Variants in PAPOLA observed in about 807,000 individuals in gnomAD.
PAPOLA encodes the protein polynucleotide adenylyltransferase alpha.
In PAPOLA, 15 loss-of-function variants were observed where a neutral mutation model predicts 100.6. That is an observed-to-expected ratio of 0.15 (90% CI 0.10 to 0.23). PAPOLA has a LOEUF of 0.23. Ranked by LOEUF, PAPOLA falls within the 10% of genes least tolerant of loss-of-function variation. The pLI, the probability that PAPOLA is intolerant of heterozygous loss-of-function variation, is 1.00. For missense variants in PAPOLA, 533 were observed against 884.2 expected (o/e 0.60, Z 5.04); for synonymous variants, 293 against 300.0 (o/e 0.98, Z 0.24).
At chr14:96,534,390 A>G in intron 9 of PAPOLA, 101 bp from the exon 10 acceptor site, 1 of 1,538,170 alleles carries the variant, frequency 6.5e-7, no homozygotes, top group Non-Finnish European at 8.7e-7. Flanking sequence ...AAGAAGGCAG[A>G]ATGAAGAAGG....
intron 6 of PAPOLA, among the ~76,000 whole-genome samples, chr14:96,528,856 A>T (rs981229010): frequency 6.6e-6 from 1 of 152,240 alleles, no homozygotes; most frequent in African/African-American, 2.4e-5. Flanking sequence ...TAGACATAAA[A>T]TGTTAAATTT....
At chr14:96,536,057 AC>A (rs1484253922) in intron 11 of PAPOLA, 58 bp downstream of exon 11, 1 of 1,312,830 alleles carries the variant, frequency 7.6e-7, no homozygotes, top group African/African-American at 1.5e-5. Context: ...ACCATTGTAG[AC>A]CCAGTAGTCA....
At chr14:96,549,996 A>AT (rs1040576276) in intron 16 of PAPOLA, among the ~76,000 whole-genome samples, 10 of 152,166 alleles carry the variant, frequency 6.6e-5, no homozygotes, top group Non-Finnish European at 1.5e-4. Flanking sequence ...CTAAAAAAAA[A>AT]TTTTTTTGAG....
Position 96,535,943 on chromosome 14 carries a change from C to G in PAPOLA, c.974C>G (p.Ser325Cys). ...IITPAYPQQN[S>C]TYNVSVSTRM... ...ACACCAGCATACCCACAACAGAACT[C>G]CACGTACAATGTGTCCGTTTCAACA... is the stretch of plus-strand genomic sequence containing the variant. Residue 325 changes from serine to cysteine, a missense_variant, in exon 11 of 22, where the codon TCC (serine) becomes TGC (cysteine). Physicochemically the swap from Ser to Cys is moderately radical, Grantham distance 112. Around this residue, in one of 9 missense-constraint regions of PAPOLA, gnomAD observed 87 missense variants for 173.3 expected, o/e 0.50. Coordinates refer to ENST00000216277, the MANE Select transcript of PAPOLA (RefSeq NM_032632.5). The G allele has an allele frequency of 6.2e-7, 1 of 1,608,658 alleles. No individual in the cohort carries two copies. The highest frequency in any genetic ancestry group is 8.5e-7 in the Non-Finnish European group (1 of 1,177,086).
intron 3 of PAPOLA, among the ~76,000 whole-genome samples, chr14:96,523,022 T>C (rs754583370): frequency 2.6e-5 from 4 of 152,206 alleles, no homozygotes; most frequent in Admixed American, 6.5e-5. Flanking sequence ...ACTTATGCAG[T>C]GTATATGTAT....
At chr14:96,560,316 T>A in intron 19 of PAPOLA, 1 of 187,760 alleles carries the variant, frequency 5.3e-6, no homozygotes, top group Non-Finnish European at 1.1e-5. Context: ...CTATGCCAAG[T>A]TCCTAAAGTT....
intron 4 of PAPOLA, chr14:96,526,340 C>G (rs556735920): frequency 6.6e-6 from 1 of 152,110 alleles, no homozygotes; most frequent in Non-Finnish European, 1.5e-5. Flanking sequence ...TCAGGCATCC[C>G]GAGGCTGTAC....
intron 15 of PAPOLA, 106 bp from the exon 16 acceptor site, chr14:96,547,691 G>C: frequency 1.3e-6 from 1 of 786,098 alleles, no homozygotes; most frequent in Non-Finnish European, 2.0e-6. Flanking sequence ...CAGATATGCA[G>C]TATTGATGGA....
At chr14:96,539,499 G>T (rs893602988) in intron 12 of PAPOLA, among the ~76,000 whole-genome samples, 8 of 151,960 alleles carry the variant, frequency 5.3e-5, no homozygotes, top group East Asian at 1.9e-4. Context: ...TGTTTTTAGG[G>T]CACTTTGCAT....
chr14:96,566,074 A>G lies in PAPOLA; in HGVS notation c.*1024A>G, dbSNP rs555925899. ...AACATGATATCTATCTGGGATGGCCATTTGATCTCTAAAAGGAATTTTGTA... is the reference window on the plus strand; with the variant it reads ...AACATGATATCTATCTGGGATGGCCGTTTGATCTCTAAAAGGAATTTTGTA... On this transcript the variant is annotated 3_prime_UTR_variant, in exon 22 of 22. Transcript: ENST00000216277. The G allele has an allele frequency of 2.3e-5, 9 of 395,716 alleles. No homozygotes were observed. In the East Asian group the frequency reaches 2.9e-4, roughly 13 times the overall value. 24.5% of individuals were successfully genotyped at this position (395,716 alleles called of 1,614,324 possible). A position where few individuals can be genotyped will look rare whatever the true frequency, so the allele number is the denominator to read the frequency against.
At position 96,544,174 on chromosome 14, in the gene PAPOLA, A is replaced by AT. The variant is rs771079328; in HGVS notation, c.1317dup (p.Gly440TrpfsTer5). On this transcript the variant is annotated frameshift_variant, in exon 15 of 22. Transcript: ENST00000216277. LOFTEE classifies it high-confidence loss of function. ...GGAAGAATTTCGCACGATGTGGGTGATTGGGTTAGTGTTTAAAAAAACAGA... is the reference window on the plus strand; with the variant it reads ...GGAAGAATTTCGCACGATGTGGGTGATTTGGGTTAGTGTTTAAAAAAACAGA... 1 of 1,605,694 alleles carries AT rather than the reference A, an allele frequency of 6.2e-7. No individual in the cohort carries two copies. Among genetic ancestry groups the AT allele is most frequent in the Admixed American group, 1.7e-5 (1 of 59,938 alleles).
intron 3 of PAPOLA, 56 bp downstream of exon 3, chr14:96,521,128 C>A: frequency 2.4e-6 from 2 of 824,104 alleles, no homozygotes; most frequent in Non-Finnish European, 4.3e-6. Flanking sequence ...CTGAACACAG[C>A]AAGTGTCTTA....
chr14:96,564,079 T>A (rs1040410444), intron 21 of PAPOLA, among the ~76,000 whole-genome samples: 1 of 151,620 alleles, frequency 6.6e-6, no homozygotes, highest in African/African-American at 2.4e-5. Flanking sequence ...TATGTTGATT[T>A]AAAAAAAAAT....
chr14:96,514,711 G>T (rs1038321972), intron 1 of PAPOLA, among the ~76,000 whole-genome samples: 1 of 152,174 alleles, frequency 6.6e-6, no homozygotes, highest in Admixed American at 6.6e-5. Context: ...CTCAGCTTTG[G>T]TCTAAAAACT....
At chr14:96,564,229 AT>A (rs1902101132) in intron 21 of PAPOLA, among the ~76,000 whole-genome samples, 1 of 152,048 alleles carries the variant, frequency 6.6e-6, no homozygotes, top group African/African-American at 2.4e-5. Context: ...GATCTCTAGG[AT>A]TTGCTTCAGA....
intron 17 of PAPOLA, among the ~76,000 whole-genome samples, chr14:96,555,288 C>T (rs1378516593): frequency 7.0e-6 from 1 of 141,984 alleles, no homozygotes; most frequent in Non-Finnish European, 1.5e-5. Context: ...GTTGTCCGGG[C>T]TAGTTTCAGA....
chr14:96,559,742 G>A (rs112337505), intron 19 of PAPOLA, among the ~76,000 whole-genome samples: 2,025 of 151,602 alleles, frequency 0.013, 44 homozygotes, highest in African/African-American at 0.046. Flanking sequence ...ACAACTCACA[G>A]CCAGCCTTGT....
intron 1 of PAPOLA, among the ~76,000 whole-genome samples, chr14:96,504,022 G>C (rs955343789): frequency 6.6e-6 from 1 of 152,120 alleles, no homozygotes; most frequent in Non-Finnish European, 1.5e-5. Flanking sequence ...GAATCTGCAT[G>C]GTTTCTGTTT....
chr14:96,509,371 C>G (rs1025505409), intron 1 of PAPOLA, among the ~76,000 whole-genome samples: 1 of 152,100 alleles, frequency 6.6e-6, no homozygotes, highest in African/African-American at 2.4e-5. Context: ...AATTAATTTT[C>G]AAGCTCAATT....
Sources: gnomAD v4.1 joint callset for allele counts (sites outside exome capture counted in the v4.1 genomes callset) on GRCh38, gnomAD v4.1.1 for gene constraint, gnomAD v4.1.1 regional missense constraint, MANE v1.5 for transcripts, NCBI Gene and HGNC (gene_info 2026-07-23, HGNC 2026-07-21) for gene names.